Variants in B4GALNT1 observed in about 807,000 individuals in gnomAD.
B4GALNT1 encodes beta-1,4-N-acetyl-galactosaminyltransferase 1.
Under a neutral mutation model 55.2 loss-of-function variants are expected in B4GALNT1, and 43 were observed. The observed-to-expected ratio is 0.78, with a 90% CI of 0.61 to 1.00. The LOEUF (loss-of-function observed/expected upper bound fraction) is 1.00. Ranked by LOEUF, B4GALNT1 falls within the 50% of genes least tolerant of loss-of-function variation. The pLI is 0.00. For missense variants in B4GALNT1, 664 were observed against 729.7 expected (o/e 0.91, Z 1.04); for synonymous variants, 305 against 311.6 (o/e 0.98, Z 0.22).
At chr12:57,627,557 A>AC in intron 10 of B4GALNT1, 61 bp downstream of exon 10, 1 of 1,522,522 alleles carries the variant, frequency 6.6e-7, no homozygotes, top group Non-Finnish European at 8.8e-7. Context: ...GAGGCGCGTG[A>AC]CCGTGCGCCA....
chr12:57,631,382 T>A lies in B4GALNT1; in HGVS notation c.219-18A>T. The A allele has an allele frequency of 6.2e-7, 1 of 1,613,642 alleles. No homozygotes were observed. On this transcript the variant is annotated intron_variant, in intron 2 of 10. Transcript: ENST00000341156. ...CCAGCAGCCTGAAGGGGGTAGGTAGTGAGGGTCATCAGAGCCCAGCTACAC... is the reference window on the plus strand; with the variant it reads ...CCAGCAGCCTGAAGGGGGTAGGTAGAGAGGGTCATCAGAGCCCAGCTACAC...
chr12:57,631,876 C>G (rs1885234084), intron 2 of B4GALNT1, 39 bp downstream of exon 2: 2 of 1,364,798 alleles, frequency 1.5e-6, no homozygotes, highest in Non-Finnish European at 1.9e-6. Flanking sequence ...AGACCACCCC[C>G]AGCGAGCGCT....
chr12:57,629,367 G>A, intron 6 of B4GALNT1: 2 of 440,426 alleles, frequency 4.5e-6, no homozygotes, highest in African/African-American at 2.0e-5. Flanking sequence ...CACTTACTAT[G>A]TGCCAGACCC....
chr12:57,630,756 A>T (rs1356408161), intron 4 of B4GALNT1, among the ~76,000 whole-genome samples: 1 of 152,214 alleles, frequency 6.6e-6, no homozygotes, highest in Non-Finnish European at 1.5e-5. Flanking sequence ...GTCAGCAAAG[A>T]ATAGATTATT....
In B4GALNT1 at chr12:57,624,922, G is replaced by C. The variant is rs762691121; in HGVS notation, c.*1822C>G. 6.8e-6 allele frequency: 11 copies of C among 1,614,172 alleles called. No homozygotes were observed. The South Asian group carries it at 1.2e-4, about 18-fold the overall frequency. Reference sequence around the variant, plus strand: ...GCTATCCAACACCACTGTACTTTGGGACCCGTGGGCAGTTTCGCTGCAACC... The same window carrying C: ...GCTATCCAACACCACTGTACTTTGGCACCCGTGGGCAGTTTCGCTGCAACC... On this transcript the variant is annotated 3_prime_UTR_variant, in exon 11 of 11. Transcript: ENST00000341156.
At position 57,628,664 on chromosome 12, in the gene B4GALNT1, C is replaced by A. The variant is rs372853269; in HGVS notation, c.1002+49G>T. 5.1e-4 allele frequency: 816 copies of A among 1,607,162 alleles called. 1 individual carries two copies. The highest frequency in any genetic ancestry group is 6.4e-4 in the Non-Finnish European group (755 of 1,176,238). ...CTGGAGGCTGCAGATTGAGGGCACA[C>A]CCCCTGCGGGAGTCCTCTGGCCTGC... is the stretch of plus-strand genomic sequence containing the variant. On this transcript the variant is annotated intron_variant, in intron 8 of 10. Transcript: ENST00000341156.
intron 2 of B4GALNT1, 35 bp downstream of exon 2, chr12:57,631,880 G>A (rs765700360): frequency 7.3e-7 from 1 of 1,361,978 alleles, no homozygotes; most frequent in Admixed American, 3.6e-5. Context: ...CACCCCCAGC[G>A]AGCGCTGCGC....
chr12:57,629,981 C>T (rs945604395), intron 6 of B4GALNT1, 171 bp downstream of exon 6: 6 of 1,539,096 alleles, frequency 3.9e-6, no homozygotes, highest in Admixed American at 2.0e-5. Flanking sequence ...TGAACAAAGG[C>T]CCCCTTTCTC....
intron 10 of B4GALNT1, 65 bp from the exon 11 acceptor site, chr12:57,627,026 G>A (rs1029122036): frequency 6.4e-6 from 9 of 1,399,096 alleles, no homozygotes; most frequent in Non-Finnish European, 9.0e-6. Flanking sequence ...TGGTAAGGGA[G>A]AACTCTCAAA....
Position 57,623,808 on chromosome 12 carries a change from T to C in B4GALNT1, c.*2936A>G, listed in dbSNP as rs764323752. ...GTGGGGGTGGGAGGCTCTCTTCCTT[T>C]TTTGCTCCTGTTCCTCCTTTTCTCT... On this transcript the variant is annotated 3_prime_UTR_variant, in exon 11 of 11. Transcript: ENST00000341156. The C allele has an allele frequency of 1.9e-6, 3 of 1,606,760 alleles. No homozygotes were observed. The highest frequency in any genetic ancestry group is 2.5e-6 in the Non-Finnish European group (3 of 1,176,502).
At chr12:57,629,391 C>T in intron 6 of B4GALNT1, 1 of 397,674 alleles carries the variant, frequency 2.5e-6, no homozygotes, top group Non-Finnish European at 4.4e-6. Flanking sequence ...AAAAAATTAC[C>T]TTAAATATAT....
intron 4 of B4GALNT1, 98 bp downstream of exon 4, chr12:57,630,882 A>G: frequency 8.3e-7 from 1 of 1,204,878 alleles, no homozygotes; most frequent in Non-Finnish European, 1.2e-6. Context: ...AGAGGTTCCC[A>G]CCTCCCATTC....
rs867636730 is a variant in B4GALNT1 at position 57,632,005 on chromosome 12, G to A, written c.128C>T (p.Pro43Leu). The A allele has an allele frequency of 2.1e-6, 3 of 1,451,770 alleles. No homozygotes were observed. Among genetic ancestry groups the A allele is most frequent in the South Asian group, 1.5e-5 (1 of 65,570 alleles). 89.9% of individuals were successfully genotyped at this position (1,451,770 alleles called of 1,614,324 possible). ...LRLPLAPWAP[P>L]QSPRRPELPD... The stretch of plus-strand genomic sequence containing the variant: ...CAGCTCGGGCCTGCGGGGGCTTTGC[G>A]GGGGCGCCCACGGCGCAAGAGGTAG... Residue 43 changes from proline (P) to leucine (L), a missense_variant, in exon 2 of 11, where the codon CCG becomes CTG. Physicochemically the swap from Pro to Leu is moderately conservative, Grantham distance 98. Coordinates refer to ENST00000341156, the MANE Select transcript of B4GALNT1 (RefSeq NM_001478.5).
At chr12:57,627,229 C>A (rs531853013) in intron 10 of B4GALNT1, among the ~76,000 whole-genome samples, 2 of 152,148 alleles carry the variant, frequency 1.3e-5, no homozygotes, top group South Asian at 4.1e-4. Flanking sequence ...GTGGTCTGAA[C>A]TAGGGGAAGC....
At chr12:57,628,069 T>G in intron 9 of B4GALNT1, 53 bp downstream of exon 9, 1 of 1,606,766 alleles carries the variant, frequency 6.2e-7, no homozygotes, top group South Asian at 1.1e-5. Context: ...CGCTGTGGCC[T>G]TAGCCTGTTC....
Position 57,624,748 on chromosome 12 carries a change from G to A in B4GALNT1, c.*1996C>T, listed in dbSNP as rs1884688868. ...GGGTGTAGTGCCTGGCACTTGGACA[G>A]GCTGAGGGGACAGAGCTCTACAGAC... On this transcript the variant is annotated 3_prime_UTR_variant, in exon 11 of 11. Coordinates refer to ENST00000341156, the MANE Select transcript of B4GALNT1 (RefSeq NM_001478.5). 1 of 944,188 alleles carries A rather than the reference G, an allele frequency of 1.1e-6. No homozygotes were observed. The allele number at this position is 944,188 out of a possible 1,614,324, so 58.5% of individuals were successfully genotyped here.
rs1885311602 is a variant in B4GALNT1 at position 57,632,758 on chromosome 12, C to T, written c.-2+14G>A. 1 of 173,864 alleles carries T rather than the reference C, an allele frequency of 5.8e-6. No individual in the cohort carries two copies. Among genetic ancestry groups the T allele is most frequent in the African/African-American group, 2.4e-5 (1 of 41,536 alleles). 10.8% of individuals were successfully genotyped at this position (173,864 alleles called of 1,614,324 possible). The stretch of plus-strand genomic sequence containing the variant: ...ACCAACCAATCCCACCCCCACCCAC[C>T]CCCGGGCACTGACCTGTCTAACGCT... On this transcript the variant is annotated intron_variant, in intron 1 of 10. Transcript: ENST00000341156.
chr12:57,627,566 C>T, intron 10 of B4GALNT1, 52 bp downstream of exon 10: 1 of 1,528,188 alleles, frequency 6.5e-7, no homozygotes, highest in South Asian at 1.3e-5. Flanking sequence ...GACCGTGCGC[C>T]AGCTCCCCGT....
rs367919141 is a variant in B4GALNT1, at chr12:57,628,111, C to G, written c.1143+11G>C. The G allele has an allele frequency of 2.5e-6, 4 of 1,613,298 alleles. No homozygotes were observed. Among genetic ancestry groups the G allele is most frequent in the Non-Finnish European group, 3.4e-6 (4 of 1,180,018 alleles). ...CTTCTCCACCCCCACATCCTGCAGC[C>G]CCTGCCCTACCAGGTCCAGCGGCGT... On this transcript the variant is annotated intron_variant, in intron 9 of 10. Transcript: ENST00000341156.
Sources: allele counts gnomAD v4.1 joint callset (sites outside exome capture counted in the v4.1 genomes callset), GRCh38; gene constraint gnomAD v4.1.1; transcripts MANE v1.5; gene names NCBI Gene and HGNC (gene_info 2026-07-23, HGNC 2026-07-21).